The following RARB variants were observed in gnomAD, a reference collection of about 807,000 sequenced individuals.
The protein encoded by RARB is HBV-activated protein.
Under a neutral mutation model 51.9 loss-of-function variants are expected in RARB, and 17 were observed. That is an observed-to-expected ratio of 0.33 (90% CI 0.22 to 0.49). The LOEUF (loss-of-function observed/expected upper bound fraction) is 0.49, where lower values mean the gene tolerates loss of function less well. RARB is among the 20% of genes least tolerant of loss of function. RARB has a pLI of 0.99. For synonymous variants in RARB, 215 were observed against 195.4 expected (o/e 1.10, Z -0.84); for missense variants, 369 against 550.8 (o/e 0.67, Z 3.30).
intron 5 of RARB, among the ~76,000 whole-genome samples, chr3:25,231,176 A>G (rs952956568): frequency 1.3e-5 from 2 of 152,206 alleles, no homozygotes; most frequent in Non-Finnish European, 2.9e-5. Context: ...TTTAAGTGTT[A>G]TGCAAAACAA....
intron 2 of RARB, among the ~76,000 whole-genome samples, chr3:24,899,394 C>G (rs113743297): frequency 6.6e-6 from 1 of 152,168 alleles, no homozygotes; most frequent in Non-Finnish European, 1.5e-5. Context: ...TATCTCCCAG[C>G]GCTTCCAGCT....
chr3:25,230,616 T>C (rs375944066), intron 5 of RARB, among the ~76,000 whole-genome samples: 17 of 152,082 alleles, frequency 1.1e-4, no homozygotes, highest in African/African-American at 3.9e-4. Flanking sequence ...GGCATTCTTA[T>C]AGGCATTATA....
At chr3:25,156,426 C>A (rs1230345236) in intron 4 of RARB, among the ~76,000 whole-genome samples, 2 of 144,320 alleles carry the variant, frequency 1.4e-5, no homozygotes, top group Non-Finnish European at 1.5e-5. Flanking sequence ...GAAATGTGGC[C>A]ATTCATTGAC....
intron 3 of RARB, among the ~76,000 whole-genome samples, chr3:25,086,826 C>T (rs984496555): frequency 3.3e-5 from 5 of 151,998 alleles, no homozygotes; most frequent in Non-Finnish European, 5.9e-5. Context: ...GATAAGGGAC[C>T]GTGGAGAACA....
chr3:25,159,926 G>A (rs539562892), intron 4 of RARB, among the ~76,000 whole-genome samples: 16 of 152,240 alleles, frequency 1.1e-4, no homozygotes, highest in African/African-American at 3.9e-4. Context: ...TATTTTGGGG[G>A]AAGAGAAAAC....
At chr3:25,194,934 G>A (rs1217758811) in intron 5 of RARB, among the ~76,000 whole-genome samples, 1 of 151,928 alleles carries the variant, frequency 6.6e-6, no homozygotes, top group Non-Finnish European at 1.5e-5. Flanking sequence ...GAGTATGGTG[G>A]AAAAGGACAC....
intron 5 of RARB, among the ~76,000 whole-genome samples, chr3:25,385,883 C>T (rs1270581069): frequency 6.6e-6 from 1 of 152,148 alleles, no homozygotes; most frequent in Non-Finnish European, 1.5e-5. Flanking sequence ...AATCAGAACT[C>T]TCACAGATAC....
chr3:25,352,097 G>A lies in RARB; in HGVS notation c.179-109096G>A, dbSNP rs114701665. On this transcript the variant is annotated intron_variant, in intron 5 of 11. Coordinates refer to the RARB transcript ENST00000383772. ...TGAGTTAGTGAATTTGGAGTTCTGC[G>A]TTGAAGTGGCCCAGTTGAACTTCTG... 2.3e-3 allele frequency among the ~76,000 whole-genome samples: 353 copies of A among 152,292 alleles called. 2 individuals carry two copies. Among genetic ancestry groups the A allele is most frequent in the African/African-American group, 8.1e-3 (338 of 41,564 alleles).
chr3:25,060,233 A>C (rs1010341010), intron 3 of RARB: 1 of 151,822 alleles, frequency 6.6e-6, no homozygotes, highest in Non-Finnish European at 1.5e-5. Flanking sequence ...AAAAACATGG[A>C]AGTTCTCCAT....
chr3:25,391,021 A>G (rs1391465228), intron 5 of RARB, among the ~76,000 whole-genome samples: 1 of 152,090 alleles, frequency 6.6e-6, no homozygotes, highest in Non-Finnish European at 1.5e-5. Context: ...CACTGTTCGC[A>G]ATGTGAAATC....
chr3:25,017,239 C>A (rs952105895), intron 2 of RARB, among the ~76,000 whole-genome samples: 3 of 149,030 alleles, frequency 2.0e-5, no homozygotes, highest in Non-Finnish European at 4.4e-5. Context: ...ACCTAAACCC[C>A]CAAATCTCTA....
intron 3 of RARB, among the ~76,000 whole-genome samples, chr3:25,090,981 A>AGT (rs1173039503): frequency 6.6e-6 from 1 of 152,168 alleles, no homozygotes; most frequent in Non-Finnish European, 1.5e-5. Context: ...GAAAAGCTGA[A>AGT]GTAGGTTAAA....
At chr3:25,468,830 G>C (rs1010835827) in intron 2 of RARB, among the ~76,000 whole-genome samples, 3 of 152,234 alleles carry the variant, frequency 2.0e-5, no homozygotes, top group African/African-American at 7.2e-5. Flanking sequence ...CCCAGATGCA[G>C]CTTTGTCCTT....
At chr3:25,577,868 CAT>C (rs10561720) in intron 4 of RARB, among the ~76,000 whole-genome samples, 57,793 of 152,028 alleles carry the variant, frequency 0.38, 11,200 homozygotes, top group African/African-American at 0.44. Context: ...CGCGACCCTC[CAT>C]ATATGGGCCA....
chr3:25,143,689 G>A (rs998040963), intron 4 of RARB, among the ~76,000 whole-genome samples: 2 of 152,180 alleles, frequency 1.3e-5, no homozygotes, highest in Non-Finnish European at 2.9e-5. Flanking sequence ...AGACTTAGAA[G>A]CAATGTAACT....
At chr3:24,983,192 G>C (rs985210687) in intron 2 of RARB, among the ~76,000 whole-genome samples, 1 of 151,988 alleles carries the variant, frequency 6.6e-6, no homozygotes, top group Non-Finnish European at 1.5e-5. Flanking sequence ...TGCAACATAG[G>C]TACACACATC....
intron 1 of RARB, among the ~76,000 whole-genome samples, chr3:24,854,750 C>T (rs977383671): frequency 6.6e-6 from 1 of 152,146 alleles, no homozygotes; most frequent in Non-Finnish European, 1.5e-5. Flanking sequence ...TCTCAAGATG[C>T]CAGGTGGCTC....
At chr3:25,043,382 A>C (rs1698151250) in intron 2 of RARB, among the ~76,000 whole-genome samples, 1 of 152,254 alleles carries the variant, frequency 6.6e-6, no homozygotes, top group African/African-American at 2.4e-5. Flanking sequence ...AATAGTAATA[A>C]ATACACCGGC....
Position 25,580,675 on chromosome 3 carries a change from A to G in RARB, c.739A>G (p.Ile247Val). 1 of 1,611,720 alleles carries G rather than the reference A, an allele frequency of 6.2e-7. No individual in the cohort carries two copies. Residue 247 changes from isoleucine to valine, a missense_variant, in exon 5 of 8, where the codon ATC becomes GTC. Transcript: ENST00000330688. ...KRLPGFTGLT[I>V]ADQITLLKAA... ...TCTGCCTGGTTTCACTGGCTTGACC[A>G]TCGCAGACCAAATTACCCTGCTGAA...
Sources: allele counts gnomAD v4.1 joint callset (sites outside exome capture counted in the v4.1 genomes callset), GRCh38; gene constraint gnomAD v4.1.1; transcripts MANE v1.5; gene names NCBI Gene and HGNC (gene_info 2026-07-23, HGNC 2026-07-21).